The following CNTNAP2 variants were observed in gnomAD, a reference collection of about 807,000 sequenced individuals.
The protein encoded by CNTNAP2 is contactin-associated protein-like 2.
In CNTNAP2, 98 loss-of-function variants were observed where a neutral mutation model predicts 155.2. That is an observed-to-expected ratio of 0.63 (90% CI 0.54 to 0.75). The LOEUF (loss-of-function observed/expected upper bound fraction) is 0.75. Ranked by LOEUF, CNTNAP2 falls within the 30% of genes least tolerant of loss-of-function variation. The pLI, the probability that CNTNAP2 is intolerant of heterozygous loss-of-function variation, is 0.00. For synonymous variants in CNTNAP2, 651 were observed against 631.2 expected (o/e 1.03, Z -0.47); for missense variants, 1,727 against 1,688.1 (o/e 1.02, Z -0.40).
rs1236089159 is a variant in CNTNAP2 at position 147,609,960 on chromosome 7, C to T, written c.1898-29146C>T. The stretch of plus-strand genomic sequence containing the variant: ...TGAGTGCAGGGTTCACCTCCAGGCT[C>T]CCCTCTTGTTTTTTGTTGTCGTGGT... On this transcript the variant is annotated intron_variant, in intron 12 of 23. Coordinates refer to ENST00000361727, the MANE Select transcript of CNTNAP2 (RefSeq NM_014141.6). Among the ~76,000 whole-genome samples, 3 of 152,120 alleles carry T rather than the reference C, an allele frequency of 2.0e-5. No homozygotes were observed. In the East Asian group the frequency reaches 5.8e-4, roughly 29 times the overall value.
intron 15 of CNTNAP2, among the ~76,000 whole-genome samples, chr7:148,061,992 T>C: frequency 7.8e-6 from 1 of 127,570 alleles, no homozygotes; most frequent in Non-Finnish European, 1.6e-5. Flanking sequence ...GATAGATAGA[T>C]AGATAGATAG....
At chr7:147,626,837 A>T (rs1023545818) in intron 12 of CNTNAP2, among the ~76,000 whole-genome samples, 2 of 152,170 alleles carry the variant, frequency 1.3e-5, no homozygotes, top group African/African-American at 4.8e-5. Flanking sequence ...CTGTGAAAAC[A>T]TCACTGCTAG....
At chr7:147,193,748 AG>A (rs938014796) in intron 8 of CNTNAP2, among the ~76,000 whole-genome samples, 12 of 152,184 alleles carry the variant, frequency 7.9e-5, no homozygotes, top group Non-Finnish European at 2.9e-5. Flanking sequence ...CCAGTTGCAA[AG>A]CAGGAGAGAG....
At chr7:148,266,616 A>ATGTG (rs777213593) in intron 20 of CNTNAP2, among the ~76,000 whole-genome samples, 3 of 132,446 alleles carry the variant, frequency 2.3e-5, no homozygotes, top group Non-Finnish European at 5.2e-5. Context: ...GTGTGTGTGT[A>ATGTG]TGTGTGTGTG....
intron 15 of CNTNAP2, among the ~76,000 whole-genome samples, chr7:148,081,006 A>G (rs1803593250): frequency 6.6e-6 from 1 of 152,246 alleles, no homozygotes; most frequent in African/African-American, 2.4e-5. Context: ...CCGTGCATAC[A>G]GATGGTATAT....
At chr7:146,480,161 C>T (rs1194442313) in intron 1 of CNTNAP2, among the ~76,000 whole-genome samples, 6 of 152,158 alleles carry the variant, frequency 3.9e-5, no homozygotes, top group African/African-American at 1.4e-4. Flanking sequence ...AGAATCATCT[C>T]CTCCTGTCTA....
rs181069165 is a variant in CNTNAP2 at position 146,245,466 on chromosome 7, C to T, written c.97+128493C>T. ...CTAAAAGTATTAGGGCGGCAGCAGC[C>T]GCTGCACGCAGACATGACGGCTAGG... On this transcript the variant is annotated intron_variant, in intron 1 of 23. Transcript: ENST00000361727. Among the ~76,000 whole-genome samples, 850 of 152,246 alleles carry T rather than the reference C, an allele frequency of 5.6e-3. 5 individuals carry two copies. Among genetic ancestry groups the T allele is most frequent in the Middle Eastern group, 0.027 (8 of 294 alleles).
chr7:147,454,820 C>G lies in CNTNAP2; in HGVS notation c.1671-31115C>G, dbSNP rs542176344. ...TGAAAGGTCAGGGCTCATGATAAAGCTGCCAGCACTGCAACTTTAAGAAAA... is the reference window on the plus strand; with the variant it reads ...TGAAAGGTCAGGGCTCATGATAAAGGTGCCAGCACTGCAACTTTAAGAAAA... On this transcript the variant is annotated intron_variant, in intron 10 of 23. Coordinates refer to ENST00000361727, the MANE Select transcript of CNTNAP2 (RefSeq NM_014141.6). 2.6e-5 allele frequency among the ~76,000 whole-genome samples: 4 copies of G among 152,102 alleles called. No individual in the cohort carries two copies. The South Asian group carries it at 8.3e-4, about 32-fold the overall frequency.
At chr7:147,858,271 G>C (rs539044431) in intron 13 of CNTNAP2, among the ~76,000 whole-genome samples, 59 of 152,100 alleles carry the variant, frequency 3.9e-4, no homozygotes, top group African/African-American at 1.3e-3. Flanking sequence ...ATTCTTAGTA[G>C]AGACAGGGTT....
chr7:146,652,253 T>C (rs774761535), intron 1 of CNTNAP2, among the ~76,000 whole-genome samples: 4 of 152,144 alleles, frequency 2.6e-5, no homozygotes, highest in Non-Finnish European at 5.9e-5. Context: ...TACTGTAATA[T>C]AAAGTTACTT....
intron 1 of CNTNAP2, among the ~76,000 whole-genome samples, chr7:146,575,649 G>T (rs1208275934): frequency 6.6e-6 from 1 of 152,166 alleles, no homozygotes; most frequent in Non-Finnish European, 1.5e-5. Context: ...GGTGGAAAAG[G>T]CCAGATTGCC....
chr7:147,920,355 C>CAAA lies in CNTNAP2; in HGVS notation c.2255+16653_2255+16655dup, dbSNP rs35672069. Among the ~76,000 whole-genome samples, 650 of 86,534 alleles carry CAAA rather than the reference C, an allele frequency of 7.5e-3. 26 individuals are homozygous for CAAA. The highest frequency in any genetic ancestry group is 0.017 in the African/African-American group (407 of 23,732). The allele number at this position is 86,534 out of a possible 152,430, so 56.8% of individuals were successfully genotyped here. Reference sequence around the variant, plus strand: ...TGGGTGACAGAGGGAGACTCCGTCTCAAAAAAAAAAAAAAAAAAAAAGCAT... The same window carrying CAAA: ...TGGGTGACAGAGGGAGACTCCGTCTCAAAAAAAAAAAAAAAAAAAAAAAAGCAT... On this transcript the variant is annotated intron_variant, in intron 14 of 23. Transcript: ENST00000361727.
rs142328427 is a variant in CNTNAP2 at position 147,458,058 on chromosome 7, A to G, written c.1671-27877A>G. 1.3e-4 allele frequency among the ~76,000 whole-genome samples: 20 copies of G among 152,326 alleles called. No individual in the cohort carries two copies. In the East Asian group the frequency reaches 3.9e-3, roughly 29 times the overall value. On this transcript the variant is annotated intron_variant, in intron 10 of 23. Transcript: ENST00000361727. Reference sequence around the variant, plus strand: ...GATTTTTCACTCTAGGAAAGAGGTCATCACTTTATTAAACATTAAATAATG... The same window carrying G: ...GATTTTTCACTCTAGGAAAGAGGTCGTCACTTTATTAAACATTAAATAATG...
chr7:146,391,674 G>T (rs565175828), intron 1 of CNTNAP2, among the ~76,000 whole-genome samples: 4 of 152,204 alleles, frequency 2.6e-5, no homozygotes, highest in East Asian at 1.9e-4. Context: ...TGTGGTATTT[G>T]GTTTTCTGTT....
intron 8 of CNTNAP2, among the ~76,000 whole-genome samples, chr7:147,154,097 G>A (rs1237225288): frequency 3.3e-5 from 5 of 150,538 alleles, no homozygotes; most frequent in African/African-American, 5.0e-5. Flanking sequence ...TAAGATGCCC[G>A]CCCTCCCCCC....
intron 15 of CNTNAP2, chr7:148,044,667 T>G (rs1274248491): frequency 6.6e-6 from 1 of 152,300 alleles, no homozygotes; most frequent in Non-Finnish European, 1.5e-5. Flanking sequence ...CCAAATCTAC[T>G]GCTACCTCTG....
chr7:147,351,592 G>A (rs1459271704), intron 9 of CNTNAP2, among the ~76,000 whole-genome samples: 2 of 151,756 alleles, frequency 1.3e-5, no homozygotes, highest in Middle Eastern at 3.2e-3. Flanking sequence ...AGAAAACAGT[G>A]TTAAATATAT....
intron 8 of CNTNAP2, among the ~76,000 whole-genome samples, chr7:147,142,126 G>A (rs559621513): frequency 2.2e-4 from 33 of 152,272 alleles, no homozygotes; most frequent in Middle Eastern, 3.4e-3. Context: ...TAGGAGTGGT[G>A]AGAGAGGGTA....
chr7:146,979,182 C>T (rs1797969293), intron 3 of CNTNAP2, among the ~76,000 whole-genome samples: 1 of 152,184 alleles, frequency 6.6e-6, no homozygotes, highest in Non-Finnish European at 1.5e-5. Flanking sequence ...GTTGTCTTTA[C>T]TCTAAATGTT....
Sources: gnomAD v4.1 joint callset for allele counts (sites outside exome capture counted in the v4.1 genomes callset) on GRCh38, gnomAD v4.1.1 for gene constraint, MANE v1.5 for transcripts, NCBI Gene and HGNC (gene_info 2026-07-23, HGNC 2026-07-21) for gene names.